WASHC5: variants seen among roughly 807,000 people sequenced by gnomAD.
WASHC5 encodes WASH complex subunit strumpellin.
WASHC5 carries 101 observed loss-of-function variants against 150.4 expected under a neutral mutation model. That is an observed-to-expected ratio of 0.67 (90% CI 0.57 to 0.79). The LOEUF (loss-of-function observed/expected upper bound fraction) is 0.79. Ranked by LOEUF, WASHC5 falls within the 30% of genes least tolerant of loss-of-function variation. WASHC5 has a pLI of 0.00. For missense variants in WASHC5, 1,195 were observed against 1,396.3 expected (o/e 0.86, Z 2.30); for synonymous variants, 467 against 491.2 (o/e 0.95, Z 0.65).
intron 28 of WASHC5, among the ~76,000 whole-genome samples, chr8:125,027,574 C>T (rs185373706): frequency 8.5e-4 from 129 of 152,138 alleles, no homozygotes; most frequent in African/African-American, 2.9e-3. Flanking sequence ...GCTATGAGGA[C>T]GCAAAGGCAT....
chr8:125,049,757 C>T (rs1816183865), intron 18 of WASHC5, among the ~76,000 whole-genome samples: 1 of 151,772 alleles, frequency 6.6e-6, no homozygotes, highest in South Asian at 2.1e-4. Flanking sequence ...ACAAGAATCG[C>T]TTGAACCCAG....
At chr8:125,032,001 T>C (rs1410951275) in intron 27 of WASHC5, among the ~76,000 whole-genome samples, 1 of 152,160 alleles carries the variant, frequency 6.6e-6, no homozygotes, top group Non-Finnish European at 1.5e-5. Flanking sequence ...TTCATGGTCC[T>C]GAGTCACTCC....
chr8:125,050,597 C>G lies in WASHC5; in HGVS notation c.2166G>C (p.Leu722=). 6.2e-7 allele frequency: 1 copy of G among 1,614,148 alleles called. No individual in the cohort carries two copies. The highest frequency in any genetic ancestry group is 8.5e-7 in the Non-Finnish European group (1 of 1,179,996). Residue 722 remains leucine, a synonymous_variant, in exon 18 of 29, where the codon CTG becomes CTC. Transcript: ENST00000318410. ...GAGGGTTGAATATCAGTCCCCTATG[C>G]AGGGCAAAGGCAACGCGCTTCACAA... ...KELVKRVAFA[L]HRGLIFNPRA...
In WASHC5 at chr8:125,024,264, G is replaced by A; in HGVS notation, c.*353C>T. On this transcript the variant is annotated 3_prime_UTR_variant, in exon 29 of 29. Transcript: ENST00000318410. ...TTGAATCATAAGCGAGACGACTTTG[G>A]GTACTAGTAATACTATTTTACTGAA... 3.1e-6 allele frequency: 1 copy of A among 321,490 alleles called. No homozygotes were observed. Among genetic ancestry groups the A allele is most frequent in the Non-Finnish European group, 5.9e-6 (1 of 169,450 alleles). The allele number at this position is 321,490 out of a possible 1,614,324, so 19.9% of individuals were successfully genotyped here. A position where few individuals can be genotyped will look rare whatever the true frequency, so the allele number is the denominator to read the frequency against.
chr8:125,039,766 G>A lies in WASHC5; in HGVS notation c.2954+29C>T, dbSNP rs774438456. 3.4e-6 allele frequency: 5 copies of A among 1,449,336 alleles called. No individual in the cohort carries two copies. The South Asian group carries it at 4.6e-5, about 13-fold the overall frequency. 89.8% of individuals were successfully genotyped at this position (1,449,336 alleles called of 1,614,324 possible). The stretch of plus-strand genomic sequence containing the variant: ...TAGATAATAAACAATCCAAGCCCAC[G>A]GATGGCTGTTTCAAACCCTGGCACT... On this transcript the variant is annotated intron_variant, in intron 24 of 28. Coordinates refer to ENST00000318410, the MANE Select transcript of WASHC5 (RefSeq NM_014846.4).
chr8:125,058,919 G>C (rs530569151), intron 14 of WASHC5, among the ~76,000 whole-genome samples: 81 of 151,980 alleles, frequency 5.3e-4, no homozygotes, highest in Non-Finnish European at 9.6e-4. Context: ...CATGCCTAGG[G>C]AATAAAGGAC....
At chr8:125,029,048 T>C (rs886791707) in intron 27 of WASHC5, among the ~76,000 whole-genome samples, 9 of 134,064 alleles carry the variant, frequency 6.7e-5, no homozygotes, top group African/African-American at 9.2e-5. Flanking sequence ...TTTTTTTTTT[T>C]GCGACAGACT....
rs184833599 is a variant in WASHC5 at position 125,049,112 on chromosome 8, A to G, written c.2273T>C (p.Ile758Thr). ...ACCATAAATGTTGACATAGTCCTGT[A>G]TGTATTCAAAAGAACGATGGAATCC... Reference protein sequence around the residue: ...MDGFHRSFEYIQDYVNIYGLK... With the variant: ...MDGFHRSFEYTQDYVNIYGLK... The change falls in exon 19 of 29, where the codon ATA (isoleucine) becomes ACA (threonine). Residue 758 changes from isoleucine to threonine, a missense_variant. Ile to Thr is a moderately conservative substitution (Grantham distance 89). Coordinates refer to ENST00000318410, the MANE Select transcript of WASHC5 (RefSeq NM_014846.4). The G allele has an allele frequency of 9.9e-6, 16 of 1,614,010 alleles. No individual in the cohort carries two copies. The African/African-American group carries it at 2.1e-4, about 22-fold the overall frequency.
chr8:125,067,728 A>C lies in WASHC5; in HGVS notation c.1151-9T>G. On this transcript the variant is annotated splice_polypyrimidine_tract_variant and intron_variant, in intron 9 of 28. Transcript: ENST00000318410. ...GTTGTTTGGGTCACAGGCTAGAAAC[A>C]GGAAAAGTGTTACCTGCTTACTAAA... is the stretch of plus-strand genomic sequence containing the variant. 1 of 1,613,434 alleles carries C rather than the reference A, an allele frequency of 6.2e-7. No homozygotes were observed. Among genetic ancestry groups the C allele is most frequent in the South Asian group, 1.1e-5 (1 of 91,050 alleles).
At chr8:125,038,783 A>G (rs1428237314) in intron 25 of WASHC5, 47 bp downstream of exon 25, 1 of 1,609,868 alleles carries the variant, frequency 6.2e-7, no homozygotes, top group Non-Finnish European at 8.5e-7. Context: ...TGGGCCAAAT[A>G]CCATTCTGTA....
chr8:125,059,395 CGAAA>C lies in WASHC5; in HGVS notation c.1665_1668del (p.Phe556LeufsTer4). On this transcript the variant is annotated frameshift_variant, in exon 13 of 29. Coordinates refer to ENST00000318410, the MANE Select transcript of WASHC5 (RefSeq NM_014846.4). LOFTEE classifies it high-confidence loss of function. ...CATTACCTGTCAATCAACTGCCAAG[CGAAA>C]GAAAGGTCCCCAACGATCTGCATTG... 1 of 1,614,116 alleles carries C rather than the reference CGAAA, an allele frequency of 6.2e-7. No homozygotes were observed. Among genetic ancestry groups the C allele is most frequent in the Non-Finnish European group, 8.5e-7 (1 of 1,180,006 alleles).
intron 10 of WASHC5, among the ~76,000 whole-genome samples, chr8:125,066,307 A>G (rs1046433034): frequency 1.3e-5 from 2 of 152,136 alleles, no homozygotes; most frequent in African/African-American, 4.8e-5. Flanking sequence ...TTAGTAGGGG[A>G]ATATAGTATC....
Position 125,059,452 on chromosome 8 carries a change from TG to T in WASHC5, c.1611del (p.Ile538LeufsTer8), listed in dbSNP as rs1311332103. 6.2e-7 allele frequency: 1 copy of T among 1,614,056 alleles called. No individual in the cohort carries two copies. The highest frequency in any genetic ancestry group is 1.7e-5 in the Admixed American group (1 of 60,026). On this transcript the variant is annotated frameshift_variant, in exon 13 of 29. Coordinates refer to ENST00000318410, the MANE Select transcript of WASHC5 (RefSeq NM_014846.4). LOFTEE classifies it high-confidence loss of function. The part of the protein sequence containing the change: ...TRKFLHQMIR[T>X]INIKEEVLIT... ...ATCAGAACCTCCTCTTTAATGTTAA[TG>T]GTTCTGATCATTTGATGAAGAAACT...
intron 19 of WASHC5, among the ~76,000 whole-genome samples, chr8:125,048,613 C>T (rs1816146811): frequency 6.6e-6 from 1 of 152,174 alleles, no homozygotes; most frequent in Non-Finnish European, 1.5e-5. Flanking sequence ...GGTGCCGTTA[C>T]CGTGGAACAC....
At chr8:125,042,555 T>C (rs1267790855) in intron 23 of WASHC5, among the ~76,000 whole-genome samples, 1 of 152,190 alleles carries the variant, frequency 6.6e-6, no homozygotes, top group Non-Finnish European at 1.5e-5. Context: ...CTGGCAACTA[T>C]AACCAATAGT....
chr8:125,077,856 G>A (rs1359536796), intron 6 of WASHC5, among the ~76,000 whole-genome samples: 1 of 152,046 alleles, frequency 6.6e-6, no homozygotes, highest in Non-Finnish European at 1.5e-5. Context: ...CAATTATTAT[G>A]GAGACCTGGC....
chr8:125,060,240 A>G (rs1192940414), intron 12 of WASHC5, among the ~76,000 whole-genome samples: 1 of 152,124 alleles, frequency 6.6e-6, no homozygotes, highest in Non-Finnish European at 1.5e-5. Flanking sequence ...TAATCCCAGC[A>G]CTCTGAGAGC....
chr8:125,032,549 T>C (rs1472099637), intron 26 of WASHC5, 155 bp from the exon 27 acceptor site: 3 of 860,542 alleles, frequency 3.5e-6, no homozygotes, highest in Non-Finnish European at 5.7e-6. Flanking sequence ...ATATTTTGAA[T>C]TAGCCACAGG....
intron 16 of WASHC5, 63 bp from the exon 17 acceptor site, chr8:125,055,734 A>C (rs1272370342): frequency 2.0e-6 from 2 of 1,015,396 alleles, no homozygotes; most frequent in Admixed American, 1.7e-5. Context: ...GAACAAAGAT[A>C]ACAGGAAAAG....
Sources: allele counts gnomAD v4.1 joint callset (sites outside exome capture counted in the v4.1 genomes callset), GRCh38; gene constraint gnomAD v4.1.1; transcripts MANE v1.5; gene names NCBI Gene and HGNC (gene_info 2026-07-23, HGNC 2026-07-21).